Variants in TRIM27 observed in about 807,000 individuals in gnomAD.
The protein encoded by TRIM27 is tripartite motif containing 27.
Under a neutral mutation model 57.6 loss-of-function variants are expected in TRIM27, and 12 were observed. The observed-to-expected ratio is 0.21, with a 90% CI of 0.13 to 0.34. The LOEUF (loss-of-function observed/expected upper bound fraction) is 0.34. Ranked by LOEUF, TRIM27 falls within the 10% of genes least tolerant of loss-of-function variation. The pLI is 1.00. For synonymous variants in TRIM27, 266 were observed against 259.0 expected, an observed-to-expected ratio of 1.03 and a Z score of -0.26; for missense variants, 403 against 656.8, an observed-to-expected ratio of 0.61 and a Z score of 4.22.
At chr6:28,921,503 G>A (rs1208242586) in intron 2 of TRIM27, among the ~76,000 whole-genome samples, 1 of 152,134 alleles carries the variant, frequency 6.6e-6, no homozygotes, top group African/African-American at 2.4e-5. Context: ...TGTTAAGAAA[G>A]GAGAATAAGC....
rs209124 is a variant in TRIM27 at position 28,904,965 on chromosome 6, C to T, written c.947-300G>A. On this transcript the variant is annotated intron_variant, in intron 7 of 7. Coordinates refer to ENST00000377199, the MANE Select transcript of TRIM27 (RefSeq NM_006510.5). This position sits in a 1 kb window ranked among gnomAD's most constrained non-coding sequence, Gnocchi z 6.1. ...TCTTGCTCTGTTGCCTAGGCTGGAG[C>T]GCAGTGGTGTGGTCATAGTTCATTG... 0.37 allele frequency: 144,653 copies of T among 393,034 alleles called. 29,396 individuals are homozygous for T. The highest frequency in any genetic ancestry group is 0.6 in the African/African-American group (30,127 of 50,126). The allele number at this position is 393,034 out of a possible 1,614,324, so 24.3% of individuals were successfully genotyped here. A position where few individuals can be genotyped will look rare whatever the true frequency, so the allele number is the denominator to read the frequency against.
rs9257352 is a variant in TRIM27 at position 28,918,538 on chromosome 6, G to T, written c.747+1474C>A. On this transcript the variant is annotated intron_variant, in intron 3 of 7. Coordinates refer to ENST00000377199, the MANE Select transcript of TRIM27 (RefSeq NM_006510.5). ...TTGCTTCGTCTCAAAAATAAAAAAA[G>T]AAAAAAAGAAAGAAAGAAATACATT... Among the ~76,000 whole-genome samples the T allele has an allele frequency of 8.6e-3, 1,305 of 151,990 alleles. 16 individuals are homozygous for T. The highest frequency in any genetic ancestry group is 0.013 in the Non-Finnish European group (886 of 67,956).
At chr6:28,907,750 T>C (rs1300678955) in intron 6 of TRIM27, 10 of 385,922 alleles carry the variant, frequency 2.6e-5, no homozygotes, top group Non-Finnish European at 4.6e-5. Context: ...ACTAAGACTT[T>C]TAAGTGGCAA....
chr6:28,923,837 A>G lies in TRIM27; in HGVS notation c.-205T>C. ...CCGATGCCTGCGCCTGTGCCCCCTA[A>G]GCGAGAGCGGGAATACGGCCGGCTC... is the stretch of plus-strand genomic sequence containing the variant. On this transcript the variant is annotated 5_prime_UTR_variant, in exon 1 of 8. Coordinates refer to ENST00000377199, the MANE Select transcript of TRIM27 (RefSeq NM_006510.5). The G allele has an allele frequency of 1.8e-6, 1 of 555,406 alleles. No homozygotes were observed. The highest frequency in any genetic ancestry group is 3.0e-6 in the Non-Finnish European group (1 of 328,018). 34.4% of individuals were successfully genotyped at this position (555,406 alleles called of 1,614,324 possible). A position where few individuals can be genotyped will look rare whatever the true frequency, so the allele number is the denominator to read the frequency against.
At chr6:28,917,821 T>C (rs1307756657) in intron 3 of TRIM27, among the ~76,000 whole-genome samples, 1 of 151,726 alleles carries the variant, frequency 6.6e-6, no homozygotes, top group Non-Finnish European at 1.5e-5. Flanking sequence ...ATGGTTTCTT[T>C]CTTCCTTTCT....
intron 1 of TRIM27, among the ~76,000 whole-genome samples, chr6:28,922,565 T>C (rs1271118873): frequency 6.6e-6 from 1 of 152,204 alleles, no homozygotes; most frequent in East Asian, 1.9e-4. Context: ...ATACACAGTA[T>C]CATGGACTCC....
chr6:28,918,950 G>A (rs1240656386), intron 3 of TRIM27, among the ~76,000 whole-genome samples: 2 of 151,778 alleles, frequency 1.3e-5, no homozygotes, highest in South Asian at 2.1e-4. Flanking sequence ...ACAAAAACAG[G>A]GGATGGACCA....
intron 4 of TRIM27, among the ~76,000 whole-genome samples, 167 bp from the exon 5 acceptor site, chr6:28,909,255 G>A (rs1038055423): frequency 6.6e-6 from 1 of 152,062 alleles, no homozygotes; most frequent in Non-Finnish European, 1.5e-5. Flanking sequence ...TTACAGGCAT[G>A]CGCCACCATA....
Position 28,908,506 on chromosome 6 carries a change from T to C in TRIM27, c.919+302A>G, listed in dbSNP as rs1218454127. 1.0e-5 allele frequency: 4 copies of C among 397,560 alleles called. No homozygotes were observed. In the East Asian group the frequency reaches 1.2e-4, roughly 12 times the overall value. The allele number at this position is 397,560 out of a possible 1,614,324, so 24.6% of individuals were successfully genotyped here. On this transcript the variant is annotated intron_variant, in intron 6 of 7. Transcript: ENST00000377199. Reference sequence around the variant, plus strand: ...CTCAAGTGAAACGTATCCAAGGTAGTTTTTGTTCATTCTTTCCGAAGTAAA... The same window carrying C: ...CTCAAGTGAAACGTATCCAAGGTAGCTTTTGTTCATTCTTTCCGAAGTAAA...
intron 7 of TRIM27, chr6:28,906,315 T>C (rs1420801930): frequency 6.6e-6 from 1 of 152,154 alleles, no homozygotes; most frequent in African/African-American, 2.4e-5. Flanking sequence ...GTCCCAAACA[T>C]TACCTCTCAG....
chr6:28,904,433 G>A lies in TRIM27; in HGVS notation c.1179C>T (p.Cys393=), dbSNP rs775155542. ...GGGCTGAGGTTACTCCACCTTTTCTGCACACTGAGTCTTCACAGACACCTA... is the reference window on the plus strand; with the variant it reads ...GGGCTGAGGTTACTCCACCTTTTCTACACACTGAGTCTTCACAGACACCTA... ...WTIGVCEDSV[C]RKGGVTSAPQ... The change falls in exon 8 of 8, where the codon TGC becomes TGT. Residue 393 remains cysteine (C), a synonymous_variant. Coordinates refer to ENST00000377199, the MANE Select transcript of TRIM27 (RefSeq NM_006510.5). The surrounding 1 kb of genome is among the most constrained non-coding windows in gnomAD (Gnocchi z 6.1). 3 of 1,612,884 alleles carry A rather than the reference G, an allele frequency of 1.9e-6. No homozygotes were observed. In the Admixed American group the frequency reaches 5.0e-5, roughly 27 times the overall value.
Position 28,923,836 on chromosome 6 carries a change from A to C in TRIM27, c.-204T>G. On this transcript the variant is annotated 5_prime_UTR_variant, in exon 1 of 8. Transcript: ENST00000377199. Reference sequence around the variant, plus strand: ...GCCGATGCCTGCGCCTGTGCCCCCTAAGCGAGAGCGGGAATACGGCCGGCT... The same window carrying C: ...GCCGATGCCTGCGCCTGTGCCCCCTCAGCGAGAGCGGGAATACGGCCGGCT... 1.8e-6 allele frequency: 1 copy of C among 555,416 alleles called. No individual in the cohort carries two copies. Among genetic ancestry groups the C allele is most frequent in the Non-Finnish European group, 3.0e-6 (1 of 328,256 alleles). The allele number at this position is 555,416 out of a possible 1,614,324, so 34.4% of individuals were successfully genotyped here.
intron 3 of TRIM27, chr6:28,915,009 C>T: frequency 6.6e-6 from 1 of 151,666 alleles, no homozygotes; most frequent in Non-Finnish European, 1.5e-5. Context: ...ATTTGTATAC[C>T]TATAATTATT....
At chr6:28,910,332 CT>C (rs9278121) in intron 4 of TRIM27, among the ~76,000 whole-genome samples, 58,975 of 149,836 alleles carry the variant, frequency 0.39, 12,789 homozygotes, top group African/African-American at 0.57. Context: ...ACATTTCTTA[CT>C]TTTTTTTTTC....
rs61759897 is a variant in TRIM27, at chr6:28,923,571, T to C, written c.62A>G (p.Gln21Arg). Residue 21 changes from glutamine to arginine, a missense_variant, in exon 1 of 8, where the codon CAG (glutamine) becomes CGG (arginine). Transcript: ENST00000377199. ...QQETTCPVCL[Q>R]YFAEPMMLDC... is the part of the protein sequence containing the mutation. ...GAGCATCATGGGCTCTGCGAAGTAC[T>C]GCAGGCACACGGGGCAGGTGGTCTC... The C allele has an allele frequency of 3.5e-4, 565 of 1,609,498 alleles. No individual in the cohort carries two copies. The highest frequency in any genetic ancestry group is 4.7e-4 in the Non-Finnish European group (558 of 1,178,340).
chr6:28,909,477 C>T (rs572479804), intron 4 of TRIM27, among the ~76,000 whole-genome samples: 6 of 152,300 alleles, frequency 3.9e-5, no homozygotes, highest in East Asian at 1.9e-4. Context: ...AACTGTCTAG[C>T]GTACACGGAC....
intron 1 of TRIM27, 56 bp downstream of exon 1, chr6:28,923,157 C>T: frequency 1.4e-6 from 2 of 1,473,444 alleles, no homozygotes; most frequent in Non-Finnish European, 1.8e-6. Flanking sequence ...GCCCCTTTGG[C>T]TCTCTCCTCC....
chr6:28,922,824 G>A (rs376648835), intron 1 of TRIM27, among the ~76,000 whole-genome samples: 16 of 152,348 alleles, frequency 1.1e-4, no homozygotes, highest in Middle Eastern at 6.8e-3. Flanking sequence ...ACTAAGGAAT[G>A]GGCATAAGTC....
In TRIM27 at chr6:28,919,965, C is replaced by T. The variant is rs973548566; in HGVS notation, c.747+47G>A. The stretch of plus-strand genomic sequence containing the variant: ...ATACTACTTGGCAAAGGAGAAGGGA[C>T]GATATTTTCAGTGGGTGCTGCTCTA... On this transcript the variant is annotated intron_variant, in intron 3 of 7. Transcript: ENST00000377199. 3.0e-5 allele frequency: 47 copies of T among 1,555,476 alleles called. No homozygotes were observed. In the Middle Eastern group the frequency reaches 9.4e-4, roughly 31 times the overall value.
Sources: gnomAD v4.1 joint callset for allele counts (sites outside exome capture counted in the v4.1 genomes callset) on GRCh38, gnomAD v4.1.1 for gene constraint, Gnocchi (gnomAD v3.1) non-coding constraint, MANE v1.5 for transcripts, NCBI Gene and HGNC (gene_info 2026-07-23, HGNC 2026-07-21) for gene names.